Variants in ZNF354B observed in about 807,000 individuals in gnomAD.
ZNF354B encodes the protein zinc finger protein 354B.
Under a neutral mutation model 12.9 loss-of-function variants are expected in ZNF354B, and 10 were observed. The observed-to-expected ratio is 0.77, with a 90% CI of 0.48 to 1.31. The LOEUF (loss-of-function observed/expected upper bound fraction) is 1.31. Among genes scored for constraint, ZNF354B ranks in the 40% most tolerant of loss-of-function variants. ZNF354B has a pLI of 0.00. For synonymous variants in ZNF354B, 260 were observed against 243.7 expected (o/e 1.07, Z -0.62); for missense variants, 614 against 711.7 (o/e 0.86, Z 1.56).
chr5:178,881,364 A>C (rs962623967), intron 4 of ZNF354B, among the ~76,000 whole-genome samples: 1 of 152,212 alleles, frequency 6.6e-6, no homozygotes, highest in African/African-American at 2.4e-5. Flanking sequence ...CTAAAAAATC[A>C]GCCCAAAATG....
rs373766872 is a variant in ZNF354B, at chr5:178,878,437, A to G, written c.257-4272A>G. ...AGTTAATTCTTATCATTTGGGGAAG[A>G]GATTTTGATAGGTTGCTTGTCACAC... On this transcript the variant is annotated intron_variant, in intron 4 of 4. Transcript: ENST00000322434. 5.3e-5 allele frequency among the ~76,000 whole-genome samples: 8 copies of G among 152,150 alleles called. No homozygotes were observed. The East Asian group carries it at 1.2e-3, about 22-fold the overall frequency.
chr5:178,881,656 A>G (rs1157307437), intron 4 of ZNF354B, among the ~76,000 whole-genome samples: 1 of 152,102 alleles, frequency 6.6e-6, no homozygotes. Context: ...TTTATCATTC[A>G]TTCTCTGGAC....
chr5:178,877,304 G>A (rs1441703080), intron 4 of ZNF354B, among the ~76,000 whole-genome samples: 3 of 151,982 alleles, frequency 2.0e-5, no homozygotes, highest in African/African-American at 7.3e-5. Context: ...TGAGTAGCTG[G>A]GATTACAGGC....
At chr5:178,865,360 C>T (rs930794113) in intron 2 of ZNF354B, among the ~76,000 whole-genome samples, 8 of 151,902 alleles carry the variant, frequency 5.3e-5, no homozygotes, top group East Asian at 3.9e-4. Flanking sequence ...CTCTGCTTCC[C>T]GGGTTCAAGC....
At chr5:178,878,712 G>GT (rs1007586197) in intron 4 of ZNF354B, among the ~76,000 whole-genome samples, 105 of 151,990 alleles carry the variant, frequency 6.9e-4, no homozygotes, top group Middle Eastern at 6.8e-3. Flanking sequence ...GTTTTGTTTT[G>GT]TTTTTTTGAG....
Position 178,884,711 on chromosome 5 carries a change from A to G in ZNF354B, c.*420A>G, listed in dbSNP as rs1277318988. Reference sequence around the variant, plus strand: ...ACAATTGATCTTAAAAATATATGCAATATATACTTACCTGGCAGGGAAGAT... The same window carrying G: ...ACAATTGATCTTAAAAATATATGCAGTATATACTTACCTGGCAGGGAAGAT... On this transcript the variant is annotated 3_prime_UTR_variant, in exon 5 of 5. Coordinates refer to ENST00000322434, the MANE Select transcript of ZNF354B (RefSeq NM_058230.3). 2 of 155,364 alleles carry G rather than the reference A, an allele frequency of 1.3e-5. No homozygotes were observed. The highest frequency in any genetic ancestry group is 2.4e-5 in the African/African-American group (1 of 41,478). 9.6% of individuals were successfully genotyped at this position (155,364 alleles called of 1,614,324 possible). A position where few individuals can be genotyped will look rare whatever the true frequency, so the allele number is the denominator to read the frequency against.
chr5:178,884,389 GT>G lies in ZNF354B; in HGVS notation c.*102del. 1 of 1,295,262 alleles carries G rather than the reference GT, an allele frequency of 7.7e-7. No homozygotes were observed. Among genetic ancestry groups the G allele is most frequent in the Non-Finnish European group, 1.0e-6 (1 of 958,514 alleles). The allele number at this position is 1,295,262 out of a possible 1,614,324, so 80.2% of individuals were successfully genotyped here. A position where few individuals can be genotyped will look rare whatever the true frequency, so the allele number is the denominator to read the frequency against. On this transcript the variant is annotated 3_prime_UTR_variant, in exon 5 of 5. Coordinates refer to ENST00000322434, the MANE Select transcript of ZNF354B (RefSeq NM_058230.3). ...ACTCTTAGTTCTCATCAGATACTAA[GT>G]TTTAAGAATAAACTTTAGCTATGTA...
Position 178,883,132 on chromosome 5 carries a change from C to G in ZNF354B, c.680C>G (p.Ser227Ter). The change falls in exon 5 of 5, where the codon TCA (serine) becomes TGA (stop). Residue 227 changes from serine to a stop codon, truncating the protein, a stop_gained. Transcript: ENST00000322434. LOFTEE classifies it low-confidence loss of function (END_TRUNC). ...TGTGAAAAAGCCTTCATTCACAATT[C>G]ATCCCTTCGTAAACATCAGAAAAAC... Reference protein sequence around the residue: ...STCEKAFIHNSSLRKHQKNHT... With the variant: ...STCEKAFIHN 2 of 1,612,566 alleles carry G rather than the reference C, an allele frequency of 1.2e-6. No individual in the cohort carries two copies. Among genetic ancestry groups the G allele is most frequent in the Non-Finnish European group, 1.7e-6 (2 of 1,179,648 alleles).
At chr5:178,863,897 TAGG>T (rs1458306351) in intron 2 of ZNF354B, among the ~76,000 whole-genome samples, 5 of 152,092 alleles carry the variant, frequency 3.3e-5, no homozygotes, top group East Asian at 1.9e-4. Context: ...GCTTTTGAAA[TAGG>T]AGAAAGCTTA....
In ZNF354B at chr5:178,866,963, T is replaced by C; in HGVS notation, c.161-13T>C. The C allele has an allele frequency of 6.2e-7, 1 of 1,611,500 alleles. No individual in the cohort carries two copies. Among genetic ancestry groups the C allele is most frequent in the Non-Finnish European group, 8.5e-7 (1 of 1,178,118 alleles). On this transcript the variant is annotated splice_polypyrimidine_tract_variant and intron_variant, in intron 3 of 4. Transcript: ENST00000322434. ...AGACTGAGACTTTTGTTGTTGTTGT[T>C]GTTTATGTGCAGGACTCTCATTTAC...
chr5:178,862,818 C>T (rs535019607), intron 2 of ZNF354B, among the ~76,000 whole-genome samples: 128 of 152,336 alleles, frequency 8.4e-4, no homozygotes, highest in Admixed American at 1.6e-3. Flanking sequence ...AGAACCTTCT[C>T]CATCCCTGTG....
At chr5:178,868,626 T>C (rs1561667270) in intron 4 of ZNF354B, among the ~76,000 whole-genome samples, 1 of 151,980 alleles carries the variant, frequency 6.6e-6, no homozygotes, top group Non-Finnish European at 1.5e-5. Flanking sequence ...AGCAAAGGCT[T>C]CCCTGTGGAA....
chr5:178,875,590 T>G (rs1017015991), intron 4 of ZNF354B, among the ~76,000 whole-genome samples: 1 of 152,144 alleles, frequency 6.6e-6, no homozygotes, highest in Non-Finnish European at 1.5e-5. Flanking sequence ...AGAGGGACTT[T>G]CGGTTGCCTC....
At position 178,884,609 on chromosome 5, in the gene ZNF354B, A is replaced by G; in HGVS notation, c.*318A>G. On this transcript the variant is annotated 3_prime_UTR_variant, in exon 5 of 5. Transcript: ENST00000322434. ...GTGCTGAGGTGCTGAATTTTTCATT[A>G]GAAAAACATTTGTATAAACTACTAT... The G allele has an allele frequency of 5.0e-6, 1 of 200,550 alleles. No individual in the cohort carries two copies. The highest frequency in any genetic ancestry group is 1.0e-5 in the Non-Finnish European group (1 of 100,286). 12.4% of individuals were successfully genotyped at this position (200,550 alleles called of 1,614,324 possible). A position where few individuals can be genotyped will look rare whatever the true frequency, so the allele number is the denominator to read the frequency against.
chr5:178,880,954 T>G (rs1051228358), intron 4 of ZNF354B, among the ~76,000 whole-genome samples: 15 of 149,352 alleles, frequency 1.0e-4, no homozygotes, highest in Admixed American at 8.1e-4. Flanking sequence ...GTGATTCTCC[T>G]GCCTCAGCCT....
Position 178,883,153 on chromosome 5 carries a change from A to G in ZNF354B, c.701A>G (p.Lys234Arg), listed in dbSNP as rs1757745854. 6.2e-7 allele frequency: 1 copy of G among 1,613,592 alleles called. No homozygotes were observed. Among genetic ancestry groups the G allele is most frequent in the South Asian group, 1.1e-5 (1 of 90,846 alleles). ...IHNSSLRKHQKNHTGEKLFKC... is the reference protein window; with the variant it reads ...IHNSSLRKHQRNHTGEKLFKC... ...AATTCATCCCTTCGTAAACATCAGAAAAACCACACTGGAGAAAAATTATTT... is the reference window on the plus strand; with the variant it reads ...AATTCATCCCTTCGTAAACATCAGAGAAACCACACTGGAGAAAAATTATTT... Residue 234 changes from lysine to arginine, a missense_variant, in exon 5 of 5, where the codon AAA becomes AGA. Coordinates refer to ENST00000322434, the MANE Select transcript of ZNF354B (RefSeq NM_058230.3).
intron 4 of ZNF354B, among the ~76,000 whole-genome samples, chr5:178,868,853 T>A (rs1326493217): frequency 1.3e-5 from 2 of 151,486 alleles, no homozygotes; most frequent in Admixed American, 6.6e-5. Flanking sequence ...GCGCCTGTAG[T>A]CCCAGCTACT....
In ZNF354B at chr5:178,866,961, G is replaced by A; in HGVS notation, c.161-15G>A. On this transcript the variant is annotated splice_polypyrimidine_tract_variant and intron_variant, in intron 3 of 4. Coordinates refer to ENST00000322434, the MANE Select transcript of ZNF354B (RefSeq NM_058230.3). ...GAAGACTGAGACTTTTGTTGTTGTT[G>A]TTGTTTATGTGCAGGACTCTCATTT... 4.3e-6 allele frequency: 7 copies of A among 1,610,618 alleles called. No homozygotes were observed. The highest frequency in any genetic ancestry group is 5.9e-6 in the Non-Finnish European group (7 of 1,177,424).
chr5:178,870,715 A>G (rs114400127), intron 4 of ZNF354B, among the ~76,000 whole-genome samples: 3,002 of 152,322 alleles, frequency 0.02, 50 homozygotes, highest in Middle Eastern at 0.085. Context: ...TGATTTGCAC[A>G]GGATGCTGTG....
Sources: gnomAD v4.1 joint callset for allele counts (sites outside exome capture counted in the v4.1 genomes callset) on GRCh38, gnomAD v4.1.1 for gene constraint, MANE v1.5 for transcripts, NCBI Gene and HGNC (gene_info 2026-07-23, HGNC 2026-07-21) for gene names.